The following MTMR2 variants were observed in gnomAD, a reference collection of about 807,000 sequenced individuals.
The protein encoded by MTMR2 is phosphatidylinositol-3,5-bisphosphate 3-phosphatase MTMR2.
A neutral mutation model predicts 86.9 loss-of-function variants in MTMR2; 55 were observed. The observed-to-expected ratio is 0.63, with a 90% CI of 0.51 to 0.79. MTMR2 has a LOEUF of 0.79. MTMR2 is among the 30% of genes least tolerant of loss of function. The probability of loss-of-function intolerance (pLI) is 0.00; values close to 1 mark genes in which losing one functional copy is unlikely to be tolerated. For missense variants in MTMR2, 659 were observed against 772.3 expected (o/e 0.85, Z 1.74); for synonymous variants, 241 against 266.8 (o/e 0.90, Z 0.94).
At chr11:95,849,917 C>A (rs1354668574) in intron 8 of MTMR2, 55 bp from the exon 9 acceptor site, 37 of 1,488,972 alleles carry the variant, frequency 2.5e-5, no homozygotes, top group Middle Eastern at 3.4e-4. Flanking sequence ...GTTTATAATT[C>A]TCAAAAACAG....
rs115541372 is a variant in MTMR2, at chr11:95,911,019, T to C, written c.80+12856A>G. Among the ~76,000 whole-genome samples, 1,172 of 152,252 alleles carry C rather than the reference T, an allele frequency of 7.7e-3. 24 individuals carry two copies. The highest frequency in any genetic ancestry group is 0.027 in the African/African-American group (1,117 of 41,548). On this transcript the variant is annotated intron_variant, in intron 1 of 14. Coordinates refer to ENST00000346299, the MANE Select transcript of MTMR2 (RefSeq NM_016156.6). ...AATTAATTTATAATTTTTAATTATG[T>C]TTAAAAATGCTGTGCCAGAACCCTG...
rs1374763864 is a variant in MTMR2, at chr11:95,833,882, C to T, written c.*1408G>A. On this transcript the variant is annotated 3_prime_UTR_variant, in exon 15 of 15. Transcript: ENST00000346299. ...TATACTAATAGAAACTTCCTCACTG[C>T]AAGACCAAGAGGGAGGCTAAGGTTC... 1 of 151,800 alleles carries T rather than the reference C, an allele frequency of 6.6e-6. No homozygotes were observed. The highest frequency in any genetic ancestry group is 1.5e-5 in the Non-Finnish European group (1 of 67,870). The allele number at this position is 151,800 out of a possible 1,614,324, so 9.4% of individuals were successfully genotyped here.
intron 2 of MTMR2, among the ~76,000 whole-genome samples, chr11:95,886,242 A>C (rs112264626): frequency 0.031 from 4,660 of 152,304 alleles, 127 homozygotes; most frequent in South Asian, 0.07. Context: ...TAGCTTACTA[A>C]TGTAAGATGT....
chr11:95,843,248 C>G (rs898530229), intron 11 of MTMR2, among the ~76,000 whole-genome samples: 1 of 151,994 alleles, frequency 6.6e-6, no homozygotes, highest in South Asian at 2.1e-4. Flanking sequence ...CTGACAAAAC[C>G]AATGGTGATG....
intron 1 of MTMR2, chr11:95,914,390 G>C (rs1266084720): frequency 1.0e-6 from 1 of 983,132 alleles, no homozygotes; most frequent in Non-Finnish European, 1.2e-6. Flanking sequence ...ATTGTGCAAA[G>C]CCTGCAGGGC....
chr11:95,845,012 G>A lies in MTMR2; in HGVS notation c.1327C>T (p.Arg443Ter). The change falls in exon 11 of 15, where the codon CGA (arginine) becomes TGA (stop). Residue 443 changes from arginine to a stop codon, truncating the protein, a stop_gained. Coordinates refer to ENST00000346299, the MANE Select transcript of MTMR2 (RefSeq NM_016156.6). LOFTEE classifies it high-confidence loss of function. ...LMLDGYYRTI[R>*]GFEVLVEKEW... is the part of the protein sequence containing the mutation. ...TTCTCCACAAGGACTTCAAATCCTCGGATGGTTCGATAGTATCCATCCAAC... is the reference window on the plus strand; with the variant it reads ...TTCTCCACAAGGACTTCAAATCCTCAGATGGTTCGATAGTATCCATCCAAC... 3 of 1,613,774 alleles carry A rather than the reference G, an allele frequency of 1.9e-6. No individual in the cohort carries two copies. The highest frequency in any genetic ancestry group is 1.7e-6 in the Non-Finnish European group (2 of 1,179,836).
At chr11:95,916,571 T>C (rs1866717558) in intron 1 of MTMR2, among the ~76,000 whole-genome samples, 1 of 152,046 alleles carries the variant, frequency 6.6e-6, no homozygotes, top group Non-Finnish European at 1.5e-5. Context: ...CAGGCTTTCA[T>C]GTGGAAAAAA....
In MTMR2 at chr11:95,865,637, G is replaced by T. The variant is rs546756365; in HGVS notation, c.226C>A (p.Pro76Thr). Residue 76 changes from proline to threonine, a missense_variant, in exon 3 of 15, where the codon CCA (proline) becomes ACA (threonine). Pro to Thr is a conservative substitution (Grantham distance 38). Coordinates refer to ENST00000346299, the MANE Select transcript of MTMR2 (RefSeq NM_016156.6). ...ATATTTTCTCCTGGAAGCAAGGGTG[G>T]TTCTTCCATTTCTGCTAACTTGTTA... ...ESNKLAEMEE[P>T]PLLPGENIKD... 1.2e-6 allele frequency: 2 copies of T among 1,613,914 alleles called. No homozygotes were observed. Among genetic ancestry groups the T allele is most frequent in the Admixed American group, 3.3e-5 (2 of 60,016 alleles).
At chr11:95,852,107 A>C (rs1360376170) in intron 7 of MTMR2, among the ~76,000 whole-genome samples, 3 of 152,238 alleles carry the variant, frequency 2.0e-5, no homozygotes, top group Non-Finnish European at 4.4e-5. Flanking sequence ...ACAGAATTGA[A>C]AGTGAAAAAT....
rs1315728174 is a variant in MTMR2, at chr11:95,888,227, T to C, written c.115A>G (p.Thr39Ala). 1 of 1,613,612 alleles carries C rather than the reference T, an allele frequency of 6.2e-7. No homozygotes were observed. Among genetic ancestry groups the C allele is most frequent in the Admixed American group, 1.7e-5 (1 of 60,008 alleles). ...STSHSENSVH[T>A]KSASVVSSDS... is the part of the protein sequence containing the mutation. The stretch of plus-strand genomic sequence containing the variant: ...GATGATACAACAGAAGCTGATTTTG[T>C]ATGCACTGAATTCTCTGAATGAGAA... Residue 39 changes from threonine (T) to alanine (A), a missense_variant, in exon 2 of 15, where the codon ACA becomes GCA. Thr to Ala is a moderately conservative substitution (Grantham distance 58). This residue lies in a region of MTMR2 where 79 missense variants were observed against 54.4 expected (regional missense o/e 1.45). Coordinates refer to ENST00000346299, the MANE Select transcript of MTMR2 (RefSeq NM_016156.6).
At chr11:95,900,370 A>G (rs1168938203) in intron 1 of MTMR2, among the ~76,000 whole-genome samples, 1 of 152,198 alleles carries the variant, frequency 6.6e-6, no homozygotes, top group Non-Finnish European at 1.5e-5. Context: ...AGCAAATGCA[A>G]CTATTCAAAA....
At chr11:95,872,564 G>A (rs897616979) in intron 2 of MTMR2, among the ~76,000 whole-genome samples, 3 of 152,186 alleles carry the variant, frequency 2.0e-5, no homozygotes, top group African/African-American at 7.2e-5. Flanking sequence ...TGCAAACAGG[G>A]ACAATTTGAC....
rs1040315823 is a variant in MTMR2 at position 95,869,373 on chromosome 11, C to A, written c.187-3697G>T. Among the ~76,000 whole-genome samples, 14 of 152,226 alleles carry A rather than the reference C, an allele frequency of 9.2e-5. No homozygotes were observed. The South Asian group carries it at 2.3e-3, about 25-fold the overall frequency. On this transcript the variant is annotated intron_variant, in intron 2 of 14. Transcript: ENST00000346299. ...GTACTTATTATTCACGTAATAGAAG[C>A]ATCAACAGAAGTTTTCACCGCCTTT...
At chr11:95,881,145 T>C (rs866317736) in intron 2 of MTMR2, among the ~76,000 whole-genome samples, 56 of 152,084 alleles carry the variant, frequency 3.7e-4, no homozygotes, top group African/African-American at 1.3e-3. Flanking sequence ...TTTTTAAACA[T>C]GGCCAACCTA....
intron 12 of MTMR2, 22 bp downstream of exon 12, chr11:95,841,595 A>G (rs767357955): frequency 6.9e-5 from 105 of 1,529,876 alleles, no homozygotes; most frequent in Non-Finnish European, 9.3e-5. Flanking sequence ...ATGTGTAAGA[A>G]TACATAGGCC....
intron 14 of MTMR2, among the ~76,000 whole-genome samples, chr11:95,835,673 G>A (rs1380634682): frequency 6.6e-6 from 1 of 151,970 alleles, no homozygotes; most frequent in Admixed American, 6.6e-5. Flanking sequence ...TGCTGTGTAG[G>A]TGCTCCTGAA....
intron 2 of MTMR2, among the ~76,000 whole-genome samples, chr11:95,867,394 T>C (rs185690589): frequency 4.4e-4 from 67 of 151,988 alleles, no homozygotes; most frequent in African/African-American, 1.6e-3. Context: ...GAGAAGAGGG[T>C]AGTTCTGGCA....
At chr11:95,841,820 G>A (rs1863560789) in intron 11 of MTMR2, 111 bp from the exon 12 acceptor site, 7 of 864,480 alleles carry the variant, frequency 8.1e-6, no homozygotes, top group South Asian at 6.9e-5. Context: ...TCAAAGTCGG[G>A]TGCTGTGGTT....
chr11:95,894,384 A>T (rs1227273337), intron 1 of MTMR2, among the ~76,000 whole-genome samples: 1 of 152,174 alleles, frequency 6.6e-6, no homozygotes, highest in South Asian at 2.1e-4. Flanking sequence ...AAAATAAAAC[A>T]CGTAAAACAC....
Sources: gnomAD v4.1 joint callset for allele counts (sites outside exome capture counted in the v4.1 genomes callset) on GRCh38, gnomAD v4.1.1 for gene constraint, gnomAD v4.1.1 regional missense constraint, MANE v1.5 for transcripts, NCBI Gene and HGNC (gene_info 2026-07-23, HGNC 2026-07-21) for gene names.